The following FSTL5 variants were observed in gnomAD, a reference collection of about 807,000 sequenced individuals.
The protein encoded by FSTL5 is follistatin-related protein 5.
Under a neutral mutation model 89.1 loss-of-function variants are expected in FSTL5, and 62 were observed. The observed-to-expected ratio is 0.70, with a 90% confidence interval of 0.57 to 0.86. FSTL5 has a LOEUF of 0.86. Among genes scored for constraint, FSTL5 ranks in the 40% least tolerant of loss-of-function variants. The probability of loss-of-function intolerance (pLI) is 0.00; values close to 1 mark genes in which losing one functional copy is unlikely to be tolerated. For synonymous variants in FSTL5, 383 were observed against 346.2 expected, an observed-to-expected ratio of 1.11 and a Z score of -1.18; for missense variants, 1,057 against 1,001.6, an observed-to-expected ratio of 1.06 and a Z score of -0.75.
chr4:161,566,817 A>C (rs2126579720), intron 8 of FSTL5, among the ~76,000 whole-genome samples: 1 of 152,228 alleles, frequency 6.6e-6, no homozygotes, highest in South Asian at 2.1e-4. Context: ...AAAAGGTATT[A>C]ATCTGGAGAA....
At chr4:161,488,800 T>A (rs747148756) in intron 12 of FSTL5, among the ~76,000 whole-genome samples, 6 of 152,148 alleles carry the variant, frequency 3.9e-5, no homozygotes, top group Non-Finnish European at 5.9e-5. Context: ...AACTTTTTTT[T>A]AAATTCTACC....
chr4:161,490,811 G>A lies in FSTL5; in HGVS notation c.1458+9205C>T, dbSNP rs139443710. Among the ~76,000 whole-genome samples, 1,339 of 152,124 alleles carry A rather than the reference G, an allele frequency of 8.8e-3. 13 individuals are homozygous for A. The highest frequency in any genetic ancestry group is 0.03 in the African/African-American group (1,263 of 41,540). On this transcript the variant is annotated intron_variant, in intron 12 of 15. Transcript: ENST00000306100. ...TTCTACATAAGAATGACTACAAAGA[G>A]CTTCGCATTTGATTTCTTACAGTTA...
intron 4 of FSTL5, among the ~76,000 whole-genome samples, chr4:161,814,095 G>C (rs1730252535): frequency 6.6e-6 from 1 of 152,020 alleles, no homozygotes; most frequent in African/African-American, 2.4e-5. Context: ...GAGGGAAAGA[G>C]AGTAAAAAGG....
At chr4:161,841,381 T>C (rs541385297) in intron 4 of FSTL5, among the ~76,000 whole-genome samples, 3 of 152,216 alleles carry the variant, frequency 2.0e-5, no homozygotes, top group African/African-American at 4.8e-5. Context: ...ACAGGAAATA[T>C]AGTAGAATGT....
chr4:161,645,581 G>A (rs139412618), intron 7 of FSTL5, among the ~76,000 whole-genome samples: 19 of 152,220 alleles, frequency 1.2e-4, no homozygotes, highest in Non-Finnish European at 2.1e-4. Context: ...TTTTAAAACA[G>A]TGCACTGTTT....
At chr4:161,853,373 T>C (rs780303732) in intron 4 of FSTL5, among the ~76,000 whole-genome samples, 3 of 152,040 alleles carry the variant, frequency 2.0e-5, no homozygotes, top group Non-Finnish European at 4.4e-5. Context: ...GTTCAAGTGA[T>C]TCTTGTGCCT....
rs1405283765 is a variant in FSTL5, at chr4:161,683,487, TTAA to T, written c.728-26996_728-26994del. ...TTTATTACTGTTTCACATTAGCATTTTAATAATTTTAGAAATTACTGTATATAA... is the reference window on the plus strand; with the variant it reads ...TTTATTACTGTTTCACATTAGCATTTTAATTTTAGAAATTACTGTATATAA... On this transcript the variant is annotated intron_variant, in intron 6 of 15. Coordinates refer to ENST00000306100, the MANE Select transcript of FSTL5 (RefSeq NM_020116.5). 2.6e-5 allele frequency among the ~76,000 whole-genome samples: 4 copies of T among 152,252 alleles called. No homozygotes were observed. In the East Asian group the frequency reaches 7.7e-4, roughly 29 times the overall value.
chr4:161,695,812 T>C (rs976114034), intron 6 of FSTL5, among the ~76,000 whole-genome samples: 7 of 152,054 alleles, frequency 4.6e-5, no homozygotes, highest in African/African-American at 1.7e-4. Flanking sequence ...CGATGGGATT[T>C]TTTTTCTTGT....
intron 6 of FSTL5, among the ~76,000 whole-genome samples, chr4:161,752,494 G>A (rs1560825741): frequency 6.6e-6 from 1 of 152,030 alleles, no homozygotes; most frequent in East Asian, 1.9e-4. Flanking sequence ...TCAATCATCA[G>A]CACTTTTGCT....
At chr4:161,558,296 T>C (rs1268600778) in intron 8 of FSTL5, among the ~76,000 whole-genome samples, 1 of 151,824 alleles carries the variant, frequency 6.6e-6, no homozygotes, top group Non-Finnish European at 1.5e-5. Flanking sequence ...ACTAGGGCTT[T>C]TGTGGTGATG....
rs562397384 is a variant in FSTL5 at position 161,459,154 on chromosome 4, T to C, written c.1716+58A>G. ...TGGTTAAATGATCACAAATATCCAA[T>C]AAAATGTTGAAAGCTTTAAAGATTG... On this transcript the variant is annotated intron_variant, in intron 14 of 15. Transcript: ENST00000306100. 23 of 1,036,186 alleles carry C rather than the reference T, an allele frequency of 2.2e-5. No individual in the cohort carries two copies. In the African/African-American group the frequency reaches 3.5e-4, roughly 16 times the overall value. 64.2% of individuals were successfully genotyped at this position (1,036,186 alleles called of 1,614,324 possible). A position where few individuals can be genotyped will look rare whatever the true frequency, so the allele number is the denominator to read the frequency against.
At chr4:162,126,694 TTAAC>T (rs1732094647) in intron 1 of FSTL5, among the ~76,000 whole-genome samples, 1 of 152,212 alleles carries the variant, frequency 6.6e-6, no homozygotes, top group South Asian at 2.1e-4. Flanking sequence ...TATTTTATAT[TTAAC>T]TTATTCTGAT....
chr4:161,579,203 A>C (rs1006165490), intron 8 of FSTL5, among the ~76,000 whole-genome samples: 2 of 152,236 alleles, frequency 1.3e-5, no homozygotes, highest in Non-Finnish European at 2.9e-5. Context: ...GGCAGAGATC[A>C]AGGCATGCTG....
intron 2 of FSTL5, among the ~76,000 whole-genome samples, chr4:162,038,416 A>T (rs773184876): frequency 6.6e-6 from 1 of 151,922 alleles, no homozygotes. Flanking sequence ...TAAATACAAG[A>T]GTCAACAATA....
At chr4:161,417,588 G>A (rs1292922702) in intron 15 of FSTL5, among the ~76,000 whole-genome samples, 1 of 152,214 alleles carries the variant, frequency 6.6e-6, no homozygotes, top group Non-Finnish European at 1.5e-5. Context: ...AGTTGATTAA[G>A]AATTAAGATT....
chr4:161,836,248 G>T (rs1413750404), intron 4 of FSTL5, among the ~76,000 whole-genome samples: 1 of 137,088 alleles, frequency 7.3e-6, no homozygotes, highest in Non-Finnish European at 1.5e-5. Flanking sequence ...GGTGGGAATT[G>T]AACAATGAGA....
chr4:161,891,818 G>A (rs1224966412), intron 4 of FSTL5, among the ~76,000 whole-genome samples: 1 of 151,974 alleles, frequency 6.6e-6, no homozygotes, highest in African/African-American at 2.4e-5. Context: ...AGATGCCCTG[G>A]ACTATTATAG....
intron 7 of FSTL5, among the ~76,000 whole-genome samples, chr4:161,621,827 C>CAAAAAA (rs58143952): frequency 8.9e-5 from 8 of 90,394 alleles, no homozygotes; most frequent in Non-Finnish European, 1.2e-4. Context: ...TCTAAAAATA[C>CAAAAAA]AAAAAAAAAA....
At chr4:161,668,484 T>C (rs1460609890) in intron 6 of FSTL5, among the ~76,000 whole-genome samples, 2 of 152,178 alleles carry the variant, frequency 1.3e-5, no homozygotes, top group African/African-American at 2.4e-5. Context: ...TTTCACAAGA[T>C]AGCAGAAGAA....
Sources: allele counts gnomAD v4.1 joint callset (sites outside exome capture counted in the v4.1 genomes callset), GRCh38; gene constraint gnomAD v4.1.1; transcripts MANE v1.5; gene names NCBI Gene and HGNC (gene_info 2026-07-23, HGNC 2026-07-21).